MYCBP2: variants seen among roughly 807,000 people sequenced by gnomAD.
MYCBP2 encodes MYC binding protein 2.
In MYCBP2, 120 loss-of-function variants were observed where a neutral mutation model predicts 525.3. The observed-to-expected ratio is 0.23, with a 90% confidence interval of 0.20 to 0.27. The LOEUF is 0.27. Among genes scored for constraint, MYCBP2 ranks in the 10% least tolerant of loss-of-function variants. The pLI is 1.00. For synonymous variants in MYCBP2, 1,894 were observed against 1,955.8 expected (o/e 0.97, Z 0.83); for missense variants, 4,149 against 5,657.1 (o/e 0.73, Z 8.55).
chr13:77,186,087 GACA>G (rs1249838129), intron 30 of MYCBP2, 24 bp from the exon 31 acceptor site: 19 of 1,490,702 alleles, frequency 1.3e-5, no homozygotes, highest in East Asian at 2.4e-5. Flanking sequence ...TGAAAAAACA[GACA>G]ACAATTAATT....
At chr13:77,228,690 GTTGT>G (rs1566982644) in intron 18 of MYCBP2, among the ~76,000 whole-genome samples, 1 of 85,176 alleles carries the variant, frequency 1.2e-5, no homozygotes, top group Non-Finnish European at 2.5e-5. Context: ...AGATGAATAT[GTTGT>G]GTGTGTGTGT....
chr13:77,216,287 C>T (rs752802643), intron 21 of MYCBP2, among the ~76,000 whole-genome samples: 1 of 152,098 alleles, frequency 6.6e-6, no homozygotes, highest in African/African-American at 2.4e-5. Flanking sequence ...GAAAGGAGGG[C>T]TCTTGCTTAG....
At position 77,181,692 on chromosome 13, in the gene MYCBP2, C is replaced by T. The variant is rs774558368; in HGVS notation, c.4941+9G>A. 6.2e-7 allele frequency: 1 copy of T among 1,611,380 alleles called. No individual in the cohort carries two copies. The highest frequency in any genetic ancestry group is 1.1e-5 in the South Asian group (1 of 90,944). On this transcript the variant is annotated intron_variant, in intron 33 of 82. Coordinates refer to ENST00000544440, the MANE Select transcript of MYCBP2 (RefSeq NM_015057.5). ...GCCTCTGTATAAAAGATTTCAGAGA[C>T]AGACCTACCTGGCTGAGTTTTTCCA... is the stretch of plus-strand genomic sequence containing the variant.
intron 72 of MYCBP2, 81 bp downstream of exon 72, chr13:77,065,911 C>A: frequency 1.1e-6 from 1 of 913,494 alleles, no homozygotes; most frequent in Non-Finnish European, 1.7e-6. Flanking sequence ...ATCTACATCT[C>A]CTATCAATTC....
In MYCBP2 at chr13:77,219,325, T is replaced by G. The variant is rs572182890; in HGVS notation, c.2940-1368A>C. ...CTCGATTTAGCAGAAGGAGGTCTCT[T>G]TGGTGGAAGCAGGCACCACAATGCA... On this transcript the variant is annotated intron_variant, in intron 20 of 82. Transcript: ENST00000544440. Among the ~76,000 whole-genome samples the G allele has an allele frequency of 5.3e-5, 8 of 152,134 alleles. No individual in the cohort carries two copies. In the East Asian group the frequency reaches 1.5e-3, roughly 29 times the overall value.
intron 43 of MYCBP2, among the ~76,000 whole-genome samples, chr13:77,164,049 C>T (rs995776736): frequency 1.3e-5 from 2 of 152,204 alleles, no homozygotes; most frequent in African/African-American, 4.8e-5. Context: ...CTTTAAATAA[C>T]GATCATATTC....
At chr13:77,186,555 ACAGT>A (rs1378868246) in intron 30 of MYCBP2, among the ~76,000 whole-genome samples, 3 of 152,202 alleles carry the variant, frequency 2.0e-5, no homozygotes, top group Admixed American at 2.0e-4. Flanking sequence ...AATACAAACT[ACAGT>A]CAATTTTTGA....
At chr13:77,320,244 G>GTT (rs1410908390) in intron 1 of MYCBP2, among the ~76,000 whole-genome samples, 1 of 152,208 alleles carries the variant, frequency 6.6e-6, no homozygotes, top group African/African-American at 2.4e-5. Context: ...GCTGCAATCA[G>GTT]TTTTAGCTGC....
rs373568330 is a variant in MYCBP2, at chr13:77,097,935, A to G, written c.9219T>C (p.Asn3073=). 32 of 1,612,744 alleles carry G rather than the reference A, an allele frequency of 2.0e-5. 1 individual carries two copies. In the African/African-American group the frequency reaches 2.7e-4, roughly 13 times the overall value. Residue 3073 remains asparagine (N), a synonymous_variant, in exon 56 of 83, where the codon AAT becomes AAC. Coordinates refer to ENST00000544440, the MANE Select transcript of MYCBP2 (RefSeq NM_015057.5). ...KEHAPIRSSL[N]SQQPTEEKET... ...CTTTTTCCTCTGTAGGTTGTTGGCT[A>G]TTTAAACTACTCCTTATAGGAGCAT...
At chr13:77,051,212 A>G in intron 81 of MYCBP2, 50 bp from the exon 82 acceptor site, 10 of 1,522,678 alleles carry the variant, frequency 6.6e-6, no homozygotes, top group Non-Finnish European at 8.9e-6. Context: ...AGACTATTTC[A>G]ATCACACTTA....
At chr13:77,268,573 A>G (rs571697645) in intron 7 of MYCBP2, among the ~76,000 whole-genome samples, 1 of 152,254 alleles carries the variant, frequency 6.6e-6, no homozygotes, top group South Asian at 2.1e-4. Context: ...TGGGATTAAG[A>G]GTTCGAGACA....
chr13:77,189,058 T>C lies in MYCBP2; in HGVS notation c.4155-11A>G, dbSNP rs1033302513. 12 of 1,568,546 alleles carry C rather than the reference T, an allele frequency of 7.7e-6. No homozygotes were observed. Among genetic ancestry groups the C allele is most frequent in the Admixed American group, 7.5e-5 (4 of 53,598 alleles). The stretch of plus-strand genomic sequence containing the variant: ...TCACTGGTTGGAAGTCTAAAGGCAG[T>C]AGACACATATAAAATTATGTTAGAA... On this transcript the variant is annotated splice_polypyrimidine_tract_variant and intron_variant, in intron 29 of 82. Transcript: ENST00000544440.
rs759419323 is a variant in MYCBP2 at position 77,070,721 on chromosome 13, G to GAAA, written c.11824-13_11824-11dup. 7.6e-7 allele frequency: 1 copy of GAAA among 1,323,192 alleles called. No homozygotes were observed. Among genetic ancestry groups the GAAA allele is most frequent in the East Asian group, 2.8e-5 (1 of 36,286 alleles). The allele number at this position is 1,323,192 out of a possible 1,614,324, so 82.0% of individuals were successfully genotyped here. A position where few individuals can be genotyped will look rare whatever the true frequency, so the allele number is the denominator to read the frequency against. ...CAGCATCTGATGTTGCCTTTACATA[G>GAAA]AAAAAGAAAAAAAAAAAAAAGAATG... On this transcript the variant is annotated splice_polypyrimidine_tract_variant and intron_variant, in intron 68 of 82. Transcript: ENST00000544440.
chr13:77,253,197 C>G (rs2154331098), intron 14 of MYCBP2, among the ~76,000 whole-genome samples: 1 of 151,898 alleles, frequency 6.6e-6, no homozygotes, highest in South Asian at 2.1e-4. Flanking sequence ...AAGAGATGTT[C>G]AAACTCAGTA....
intron 20 of MYCBP2, among the ~76,000 whole-genome samples, chr13:77,222,554 G>A (rs2065740632): frequency 6.6e-6 from 1 of 152,046 alleles, no homozygotes; most frequent in African/African-American, 2.4e-5. Context: ...GTAGAGAGTG[G>A]TTCTCATCCT....
chr13:77,288,330 T>G lies in MYCBP2; in HGVS notation c.425A>C (p.His142Pro). 1 of 1,614,168 alleles carries G rather than the reference T, an allele frequency of 6.2e-7. No individual in the cohort carries two copies. The highest frequency in any genetic ancestry group is 1.1e-5 in the South Asian group (1 of 91,088). Residue 142 changes from histidine to proline, a missense_variant, in exon 3 of 83, where the codon CAT becomes CCT. By Grantham distance (77) the His-to-Pro change is moderately conservative. Coordinates refer to ENST00000544440, the MANE Select transcript of MYCBP2 (RefSeq NM_015057.5). ...NTVIIPDIKL[H>P]SNPSAFNIYC... is the part of the protein sequence containing the mutation. ...AATATTGAAAGCAGAAGGATTGCTA[T>G]GTAGTTTGATATCTGGTATGATTAC...
rs151088212 is a variant in MYCBP2, at chr13:77,156,134, C to A, written c.6839G>T (p.Arg2280Leu). ...TSLILNKDDIRCGWPTTITVQ... is the reference protein window; with the variant it reads ...TSLILNKDDILCGWPTTITVQ... ...AGTTATGGTGGTAGGCCAACCACAA[C>A]GAATATCATCCTTATTCAGGATCAA... The change falls in exon 46 of 83, where the codon CGT becomes CTT. Residue 2280 changes from arginine (R) to leucine (L), a missense_variant. By Grantham distance (102) the Arg-to-Leu change is moderately radical. This residue lies in a region of MYCBP2 where 692 missense variants were observed against 852.7 expected (regional missense o/e 0.81). Transcript: ENST00000544440. The A allele has an allele frequency of 6.2e-7, 1 of 1,614,004 alleles. No homozygotes were observed. Among genetic ancestry groups the A allele is most frequent in the African/African-American group, 1.3e-5 (1 of 75,052 alleles).
At chr13:77,228,278 G>A (rs556456751) in intron 18 of MYCBP2, among the ~76,000 whole-genome samples, 37 of 152,164 alleles carry the variant, frequency 2.4e-4, no homozygotes, top group African/African-American at 8.2e-4. Flanking sequence ...GGCTGAGAAA[G>A]GCAGATTACT....
chr13:77,294,104 C>CTATATATATATAT, intron 2 of MYCBP2, among the ~76,000 whole-genome samples: 1 of 41,910 alleles, frequency 2.4e-5, no homozygotes, highest in South Asian at 9.1e-4. Context: ...GATATAATGG[C>CTATATATATATAT]TATATATATA....
Sources: allele counts gnomAD v4.1 joint callset (sites outside exome capture counted in the v4.1 genomes callset), GRCh38; gene constraint gnomAD v4.1.1; regional missense constraint gnomAD v4.1.1; transcripts MANE v1.5; gene names NCBI Gene and HGNC (gene_info 2026-07-23, HGNC 2026-07-21).